ALDH1A3: variants seen among roughly 807,000 people sequenced by gnomAD.
ALDH1A3 encodes the protein retinaldehyde dehydrogenase 3.
Under a neutral mutation model 57.5 loss-of-function variants are expected in ALDH1A3, and 28 were observed. The ratio of observed to expected loss-of-function variants is 0.49; its 90% CI spans 0.36 to 0.67. ALDH1A3 has a LOEUF of 0.67. Ranked by LOEUF, ALDH1A3 falls within the 30% of genes least tolerant of loss-of-function variation. The pLI is 0.00. For synonymous variants in ALDH1A3, 281 were observed against 264.8 expected (o/e 1.06, Z -0.59); for missense variants, 507 against 669.4 (o/e 0.76, Z 2.68).
Position 100,893,978 on chromosome 15 carries a change from G to A in ALDH1A3, c.562G>A (p.Val188Met). 6.2e-7 allele frequency: 1 copy of A among 1,614,218 alleles called. No individual in the cohort carries two copies. ...TPWNFPLLMLVWKLAPALCCG... is the reference protein window; with the variant it reads ...TPWNFPLLMLMWKLAPALCCG... ...GTGGAACTTCCCCCTGCTGATGCTGGTGTGGAAGCTGGCACCCGCCCTCTG... is the reference window on the plus strand; with the variant it reads ...GTGGAACTTCCCCCTGCTGATGCTGATGTGGAAGCTGGCACCCGCCCTCTG... Residue 188 changes from valine to methionine, a missense_variant, in exon 6 of 13, where the codon GTG becomes ATG. Physicochemically the swap from Val to Met is conservative, Grantham distance 21. Transcript: ENST00000329841. This position sits in a 1 kb window ranked among gnomAD's most constrained non-coding sequence, Gnocchi z 4.8.
At position 100,893,028 on chromosome 15, in the gene ALDH1A3, A is replaced by C. The variant is rs1167686064; in HGVS notation, c.537+22A>C. 7 of 1,607,984 alleles carry C rather than the reference A, an allele frequency of 4.4e-6. No homozygotes were observed. Among genetic ancestry groups the C allele is most frequent in the Non-Finnish European group, 6.0e-6 (7 of 1,175,494 alleles). On this transcript the variant is annotated intron_variant, in intron 5 of 12. Coordinates refer to ENST00000329841, the MANE Select transcript of ALDH1A3 (RefSeq NM_000693.4). The surrounding 1 kb of genome is among the most constrained non-coding windows in gnomAD (Gnocchi z 4.8). ...TCCAGTAAGTATGGCAGCCTTTCTCAGTAGATTCTATGTAGATCCTGCCCC... is the reference window on the plus strand; with the variant it reads ...TCCAGTAAGTATGGCAGCCTTTCTCCGTAGATTCTATGTAGATCCTGCCCC...
rs1415322224 is a variant in ALDH1A3, at chr15:100,887,743, G to A, written c.345+31G>A. On this transcript the variant is annotated intron_variant, in intron 3 of 12. Transcript: ENST00000329841. This position sits in a 1 kb window ranked among gnomAD's most constrained non-coding sequence, Gnocchi z 4.6. ...TACATGCACTTGGGGGCCGGTGGGGGATGAGCCAGCCTCACTGAGGGTCCT... is the reference window on the plus strand; with the variant it reads ...TACATGCACTTGGGGGCCGGTGGGGAATGAGCCAGCCTCACTGAGGGTCCT... 1.9e-6 allele frequency: 3 copies of A among 1,555,470 alleles called. No homozygotes were observed. The highest frequency in any genetic ancestry group is 2.3e-5 in the East Asian group (1 of 43,264).
Position 100,879,916 on chromosome 15 carries a change from C to G in ALDH1A3, c.9C>G (p.Thr3=), listed in dbSNP as rs1430478858. The change falls in exon 1 of 13, where the codon ACC becomes ACG. Residue 3 remains threonine (T), a synonymous_variant. Transcript: ENST00000329841. ...GGGAGCGCGGAGGAGCCATGGCCAC[C>G]GCTAACGGGGCCGTGGAAAACGGGC... The part of the protein sequence containing the change: MA[T]ANGAVENGQP... 1.4e-6 allele frequency: 2 copies of G among 1,457,082 alleles called. No homozygotes were observed. Among genetic ancestry groups the G allele is most frequent in the Non-Finnish European group, 1.8e-6 (2 of 1,103,170 alleles). The allele number at this position is 1,457,082 out of a possible 1,614,324, so 90.3% of individuals were successfully genotyped here. A position where few individuals can be genotyped will look rare whatever the true frequency, so the allele number is the denominator to read the frequency against.
At chr15:100,902,003 G>GTTGTCTAA (rs2041774107) in intron 9 of ALDH1A3, among the ~76,000 whole-genome samples, 1 of 152,208 alleles carries the variant, frequency 6.6e-6, no homozygotes, top group South Asian at 2.1e-4. Flanking sequence ...GTGACACAAG[G>GTTGTCTAA]TTGTCTAATG....
rs370662938 is a variant in ALDH1A3, at chr15:100,888,026, A to G, written c.345+314A>G. ...CAGATTGGTGACCATGAGCTGGGCC[A>G]TATCCTGGTACCACCTGTGTGTTTA... On this transcript the variant is annotated intron_variant, in intron 3 of 12. Coordinates refer to ENST00000329841, the MANE Select transcript of ALDH1A3 (RefSeq NM_000693.4). Among the ~76,000 whole-genome samples the G allele has an allele frequency of 3.2e-4, 48 of 152,346 alleles. No homozygotes were observed. The East Asian group carries it at 5.4e-3, about 17-fold the overall frequency.
In ALDH1A3 at chr15:100,894,184, A is replaced by AT; in HGVS notation, c.666+103dup. 7.0e-7 allele frequency: 1 copy of AT among 1,427,880 alleles called. No homozygotes were observed. The allele number at this position is 1,427,880 out of a possible 1,614,324, so 88.5% of individuals were successfully genotyped here. A position where few individuals can be genotyped will look rare whatever the true frequency, so the allele number is the denominator to read the frequency against. ...ATGGGACAGTGGCAGACTGCTGGCA[A>AT]TCGAGTGGGAAGGGAATGACTTCCA... On this transcript the variant is annotated intron_variant, in intron 6 of 12. Transcript: ENST00000329841. The surrounding 1 kb of genome is among the most constrained non-coding windows in gnomAD (Gnocchi z 4.5).
Position 100,894,056 on chromosome 15 carries a change from C to G in ALDH1A3, c.640C>G (p.Leu214Val). ...KPAEQTPLTA[L>V]YLGSLIKEAG... Reference sequence around the variant, plus strand: ...TGCGGAGCAGACACCTCTCACCGCCCTTTATCTCGGCTCTCTGATCAAAGA... The same window carrying G: ...TGCGGAGCAGACACCTCTCACCGCCGTTTATCTCGGCTCTCTGATCAAAGA... The change falls in exon 6 of 13, where the codon CTT (leucine) becomes GTT (valine). Residue 214 changes from leucine (L) to valine (V), a missense_variant. Leu to Val is a conservative substitution (Grantham distance 32, BLOSUM62 1). Coordinates refer to ENST00000329841, the MANE Select transcript of ALDH1A3 (RefSeq NM_000693.4). This position sits in a 1 kb window ranked among gnomAD's most constrained non-coding sequence, Gnocchi z 4.5. 1 of 1,614,122 alleles carries G rather than the reference C, an allele frequency of 6.2e-7. No individual in the cohort carries two copies. Among genetic ancestry groups the G allele is most frequent in the East Asian group, 2.2e-5 (1 of 44,876 alleles).
intron 12 of ALDH1A3, 64 bp downstream of exon 12, chr15:100,908,546 C>T: frequency 7.0e-7 from 1 of 1,424,930 alleles, no homozygotes; most frequent in Non-Finnish European, 9.9e-7. Context: ...GATTTGCAGG[C>T]AGTGACACAG....
At chr15:100,880,363 T>G (rs1207840660) in intron 1 of ALDH1A3, 1 of 372,254 alleles carries the variant, frequency 2.7e-6, no homozygotes, top group Non-Finnish European at 4.8e-6. Flanking sequence ...GCGCTGGTTT[T>G]GGGGAGCTCC....
intron 1 of ALDH1A3, among the ~76,000 whole-genome samples, chr15:100,884,338 A>G (rs565768434): frequency 6.6e-6 from 1 of 152,368 alleles, no homozygotes; most frequent in African/African-American, 2.4e-5. Context: ...GTTTCAGTGC[A>G]TGGACTTCGT....
chr15:100,913,073 G>A (rs1261219171), intron 12 of ALDH1A3: 1 of 40,834 alleles, frequency 2.4e-5, no homozygotes, highest in African/African-American at 8.5e-5. Context: ...CAGGAGAATG[G>A]CGTGAACCCG....
At chr15:100,881,847 C>T (rs1172106378) in intron 1 of ALDH1A3, among the ~76,000 whole-genome samples, 4 of 152,162 alleles carry the variant, frequency 2.6e-5, no homozygotes, top group African/African-American at 7.2e-5. Context: ...TGTCCTGGCT[C>T]CTGGCCCATC....
At chr15:100,897,070 GA>G (rs145916416) in intron 7 of ALDH1A3, among the ~76,000 whole-genome samples, 1 of 152,072 alleles carries the variant, frequency 6.6e-6, no homozygotes. Context: ...ACTTAAAAAA[GA>G]AAAAAACACC....
chr15:100,898,884 A>G (rs1412511968), intron 8 of ALDH1A3, among the ~76,000 whole-genome samples: 1 of 152,222 alleles, frequency 6.6e-6, no homozygotes, highest in East Asian at 1.9e-4. Context: ...ACCTGCTGAC[A>G]GGGTCAGCTA....
In ALDH1A3 at chr15:100,887,284, AG is replaced by A. The variant is rs559315732; in HGVS notation, c.205-287del. Among the ~76,000 whole-genome samples, 596 of 152,040 alleles carry A rather than the reference AG, an allele frequency of 3.9e-3. 6 individuals carry two copies. The highest frequency in any genetic ancestry group is 0.013 in the African/African-American group (525 of 41,430). On this transcript the variant is annotated intron_variant, in intron 2 of 12. Coordinates refer to ENST00000329841, the MANE Select transcript of ALDH1A3 (RefSeq NM_000693.4). This position sits in a 1 kb window ranked among gnomAD's most constrained non-coding sequence, Gnocchi z 4.6. ...CGTCAAAAGATGACACCCAAACTGCAGTCACCTCAAAAGATGACACCCAAAC... is the reference window on the plus strand; with the variant it reads ...CGTCAAAAGATGACACCCAAACTGCATCACCTCAAAAGATGACACCCAAAC...
In ALDH1A3 at chr15:100,914,914, C is replaced by T; in HGVS notation, c.*141C>T. The T allele has an allele frequency of 1.4e-6, 1 of 731,590 alleles. No individual in the cohort carries two copies. Among genetic ancestry groups the T allele is most frequent in the Non-Finnish European group, 2.2e-6 (1 of 447,086 alleles). The allele number at this position is 731,590 out of a possible 1,614,324, so 45.3% of individuals were successfully genotyped here. A position where few individuals can be genotyped will look rare whatever the true frequency, so the allele number is the denominator to read the frequency against. The stretch of plus-strand genomic sequence containing the variant: ...TACATCTACTGGAGTTGAATGATTG[C>T]TGTTTTCCTCTCACTCTCCTGTTTA... On this transcript the variant is annotated 3_prime_UTR_variant, in exon 13 of 13. Transcript: ENST00000329841.
chr15:100,913,993 C>G (rs1269104132), intron 12 of ALDH1A3: 2 of 152,244 alleles, frequency 1.3e-5, no homozygotes, highest in Non-Finnish European at 2.9e-5. Flanking sequence ...GGGAAGCTAC[C>G]CTGAAGACGG....
chr15:100,914,077 C>T (rs1459478691), intron 12 of ALDH1A3: 1 of 152,410 alleles, frequency 6.6e-6, no homozygotes, highest in Non-Finnish European at 1.5e-5. Flanking sequence ...GATGTGAACC[C>T]AAAAGCTGTG....
intron 12 of ALDH1A3, 34 bp downstream of exon 12, chr15:100,908,516 G>A: frequency 6.4e-7 from 1 of 1,562,506 alleles, no homozygotes; most frequent in Middle Eastern, 1.7e-4. Context: ...CCTGCCGTGG[G>A]CTGAACACTA....
Sources: allele counts gnomAD v4.1 joint callset (sites outside exome capture counted in the v4.1 genomes callset), GRCh38; gene constraint gnomAD v4.1.1; non-coding constraint Gnocchi (gnomAD v3.1); transcripts MANE v1.5; gene names NCBI Gene and HGNC (gene_info 2026-07-23, HGNC 2026-07-21).